DPF3: variants seen among roughly 807,000 people sequenced by gnomAD.
The protein encoded by DPF3 is zinc finger protein DPF3.
A neutral mutation model predicts 56.8 loss-of-function variants in DPF3; 18 were observed. The observed-to-expected ratio is 0.32, with a 90% confidence interval of 0.22 to 0.47. The LOEUF (loss-of-function observed/expected upper bound fraction) is 0.47, where lower values mean the gene tolerates loss of function less well. Ranked by LOEUF, DPF3 falls within the 20% of genes least tolerant of loss-of-function variation. The pLI, the probability that DPF3 is intolerant of heterozygous loss-of-function variation, is 1.00. For missense variants in DPF3, 403 were observed against 488.8 expected, an observed-to-expected ratio of 0.82 and a Z score of 1.65; for synonymous variants, 188 against 180.2, an observed-to-expected ratio of 1.04 and a Z score of -0.35.
intron 1 of DPF3, among the ~76,000 whole-genome samples, chr14:72,875,110 A>G (rs1599516806): frequency 1.3e-5 from 2 of 152,208 alleles, no homozygotes. Flanking sequence ...TCACTATCAC[A>G]AAAATAGCAT....
intron 7 of DPF3, among the ~76,000 whole-genome samples, chr14:72,675,230 A>T (rs1283405198): frequency 1.3e-5 from 2 of 152,232 alleles, no homozygotes; most frequent in Non-Finnish European, 2.9e-5. Context: ...GGAGAATAGC[A>T]CCTGTCCTTA....
At chr14:72,882,538 A>T (rs1333859254) in intron 1 of DPF3, among the ~76,000 whole-genome samples, 1 of 152,162 alleles carries the variant, frequency 6.6e-6, no homozygotes, top group Non-Finnish European at 1.5e-5. Flanking sequence ...GAGTGTGTGC[A>T]TGGGGAAACA....
intron 1 of DPF3, among the ~76,000 whole-genome samples, chr14:72,885,033 G>T (rs1276231795): frequency 7.2e-6 from 1 of 138,670 alleles, no homozygotes; most frequent in African/African-American, 2.6e-5. Flanking sequence ...CCCGGGGAAT[G>T]GGGAATGGCG....
intron 8 of DPF3, chr14:72,661,036 A>C: frequency 3.0e-6 from 3 of 985,384 alleles, no homozygotes; most frequent in Non-Finnish European, 3.6e-6. Context: ...AATTTTACAG[A>C]GATGCTATAG....
chr14:72,702,009 G>A (rs1888185189), intron 6 of DPF3, among the ~76,000 whole-genome samples: 1 of 152,320 alleles, frequency 6.6e-6, no homozygotes, highest in South Asian at 2.1e-4. Context: ...GAATCTCACA[G>A]CTCAGGAGGC....
At chr14:72,718,481 G>A (rs1567210572) in intron 5 of DPF3, among the ~76,000 whole-genome samples, 1 of 152,170 alleles carries the variant, frequency 6.6e-6, no homozygotes, top group African/African-American at 2.4e-5. Context: ...CGCTCTCACA[G>A]GCATCCAGTG....
chr14:72,794,122 T>C (rs1174076231), intron 1 of DPF3, among the ~76,000 whole-genome samples: 4 of 152,250 alleles, frequency 2.6e-5, no homozygotes, highest in Non-Finnish European at 5.9e-5. Flanking sequence ...ACTTGCTGTC[T>C]GAGCTGTTGA....
chr14:72,701,089 C>A (rs1009934581), intron 6 of DPF3, among the ~76,000 whole-genome samples: 3 of 152,226 alleles, frequency 2.0e-5, no homozygotes, highest in Admixed American at 1.3e-4. Context: ...ATCTGTCGTG[C>A]GGAATCAGCC....
intron 8 of DPF3, chr14:72,662,717 A>C: frequency 1.0e-6 from 1 of 991,448 alleles, no homozygotes; most frequent in South Asian, 4.5e-5. Context: ...GGGGCTGGGC[A>C]AGGGAAGAGG....
chr14:72,698,954 T>G (rs1374824739), intron 6 of DPF3, among the ~76,000 whole-genome samples: 1 of 152,038 alleles, frequency 6.6e-6, no homozygotes, highest in Non-Finnish European at 1.5e-5. Context: ...AGCAAAGAGA[T>G]GCACATGTTT....
chr14:72,671,034 A>T, intron 8 of DPF3: 5 of 1,496,514 alleles, frequency 3.3e-6, no homozygotes, highest in Non-Finnish European at 4.5e-6. Flanking sequence ...TAGAGGGAAA[A>T]TCTAAAGTTG....
chr14:72,803,845 A>G (rs1247963927), intron 1 of DPF3, among the ~76,000 whole-genome samples: 1 of 152,248 alleles, frequency 6.6e-6, no homozygotes, highest in Non-Finnish European at 1.5e-5. Context: ...AACTCAAATA[A>G]GAAACACAAA....
chr14:72,689,419 T>C (rs988948094), intron 7 of DPF3, among the ~76,000 whole-genome samples: 2 of 152,072 alleles, frequency 1.3e-5, no homozygotes, highest in African/African-American at 4.8e-5. Context: ...GTCCAGACCT[T>C]CTCCTGGGGG....
intron 1 of DPF3, among the ~76,000 whole-genome samples, chr14:72,780,127 G>A (rs1018475700): frequency 6.6e-6 from 1 of 152,186 alleles, no homozygotes; most frequent in Non-Finnish European, 1.5e-5. Flanking sequence ...GAAACAGACA[G>A]CCCTACCCCT....
chr14:72,890,842 G>A lies in DPF3; in HGVS notation c.32+3215C>T, dbSNP rs191120457. 1.2e-4 allele frequency among the ~76,000 whole-genome samples: 19 copies of A among 152,272 alleles called. No individual in the cohort carries two copies. In the East Asian group the frequency reaches 1.5e-3, roughly 12 times the overall value. ...CCTTTGTGATCTGATCAGTGCAGGC[G>A]GCTCCTATTTCTGCCTCTAACACCC... is the stretch of plus-strand genomic sequence containing the variant. On this transcript the variant is annotated intron_variant, in intron 1 of 10. Coordinates refer to ENST00000556509, the MANE Select transcript of DPF3 (RefSeq NM_001280542.3).
At chr14:72,666,182 C>T (rs1240754612) in intron 8 of DPF3, among the ~76,000 whole-genome samples, 1 of 152,122 alleles carries the variant, frequency 6.6e-6, no homozygotes, top group African/African-American at 2.4e-5. Context: ...CCAAAATGTT[C>T]ACTCCCTGCC....
intron 8 of DPF3, chr14:72,670,075 A>G: frequency 1.0e-6 from 1 of 985,890 alleles, no homozygotes; most frequent in Non-Finnish European, 1.2e-6. Context: ...GCTATTGGAA[A>G]CATAAAACAA....
At chr14:72,766,235 A>G (rs1421734718) in intron 2 of DPF3, among the ~76,000 whole-genome samples, 1 of 152,220 alleles carries the variant, frequency 6.6e-6, no homozygotes, top group Admixed American at 6.5e-5. Context: ...GCTTCTGGAA[A>G]GATGAAATAG....
rs181786847 is a variant in DPF3, at chr14:72,731,224, C to T, written c.429+583G>A. Among the ~76,000 whole-genome samples the T allele has an allele frequency of 4.2e-3, 633 of 152,054 alleles. 3 individuals are homozygous for T. The highest frequency in any genetic ancestry group is 0.014 in the Middle Eastern group (4 of 294). ...AACGGTAGGTGTGCACCCTTATAAT[C>T]CTATTCAGTGAGAGTTTTAGAAGTG... On this transcript the variant is annotated intron_variant, in intron 4 of 10. Coordinates refer to ENST00000556509, the MANE Select transcript of DPF3 (RefSeq NM_001280542.3).
Sources: gnomAD v4.1 joint callset for allele counts (sites outside exome capture counted in the v4.1 genomes callset) on GRCh38, gnomAD v4.1.1 for gene constraint, MANE v1.5 for transcripts, NCBI Gene and HGNC (gene_info 2026-07-23, HGNC 2026-07-21) for gene names.